The following IL1RAPL1 variants were observed in gnomAD, a reference collection of about 807,000 sequenced individuals.
IL1RAPL1 encodes the protein interleukin-1 receptor accessory protein-like 1.
In IL1RAPL1, 3 loss-of-function variants were observed where a neutral mutation model predicts 48.4. The ratio of observed to expected loss-of-function variants is 0.06; its 90% CI spans 0.03 to 0.16. IL1RAPL1 has a LOEUF of 0.16. Ranked by LOEUF, IL1RAPL1 falls within the 10% of genes least tolerant of loss-of-function variation. IL1RAPL1 has a pLI of 1.00. For missense variants in IL1RAPL1, 349 were observed against 530.6 expected (o/e 0.66, Z 3.36); for synonymous variants, 185 against 187.7 (o/e 0.99, Z 0.12).
At chrX:28,791,073 G>A (rs1329829107) in intron 2 of IL1RAPL1, among the ~76,000 whole-genome samples, 4 of 110,119 alleles carry the variant, frequency 3.6e-5, no homozygotes, top group Non-Finnish European at 7.6e-5. Context: ...TATTTTTCTG[G>A]TTATTACCAC....
At chrX:28,935,673 A>G (rs768274059) in intron 2 of IL1RAPL1, among the ~76,000 whole-genome samples, 11 of 111,593 alleles carry the variant, frequency 9.9e-5, no homozygotes. Context: ...ATCCAGGGTG[A>G]CTCCCACGTC....
chrX:29,745,781 C>T (rs943212887), intron 6 of IL1RAPL1, among the ~76,000 whole-genome samples: 1 of 110,695 alleles, frequency 9.0e-6, no homozygotes, highest in Non-Finnish European at 1.9e-5. Flanking sequence ...TTGGCCTTCA[C>T]TAGCATTACT....
chrX:28,712,775 C>A (rs2146935656), intron 1 of IL1RAPL1, among the ~76,000 whole-genome samples: 1 of 110,890 alleles, frequency 9.0e-6, no homozygotes, highest in South Asian at 3.8e-4. Context: ...TTACCAGAAT[C>A]CTATTCATAC....
At chrX:29,197,057 T>C (rs1376368541) in intron 2 of IL1RAPL1, among the ~76,000 whole-genome samples, 4 of 110,708 alleles carry the variant, frequency 3.6e-5, no homozygotes, top group South Asian at 3.8e-4. Context: ...ACTTTCCTTA[T>C]TCTGTGTCCC....
chrX:29,110,170 A>G (rs1311138567), intron 2 of IL1RAPL1, among the ~76,000 whole-genome samples: 1 of 112,143 alleles, frequency 8.9e-6, no homozygotes, highest in African/African-American at 3.2e-5. Flanking sequence ...TGTAATGATC[A>G]AGTCCTCCCA....
chrX:29,357,870 T>A (rs1387627702), intron 3 of IL1RAPL1, among the ~76,000 whole-genome samples: 1 of 111,972 alleles, frequency 8.9e-6, no homozygotes, highest in Non-Finnish European at 1.9e-5. Context: ...CATTTTGTGC[T>A]TATGGTTGTT....
At chrX:29,343,105 A>G (rs192175973) in intron 3 of IL1RAPL1, among the ~76,000 whole-genome samples, 3 of 112,282 alleles carry the variant, frequency 2.7e-5, no homozygotes. Context: ...AATCAAAACA[A>G]TATAATTGTT....
At chrX:28,666,815 A>G (rs978087105) in intron 1 of IL1RAPL1, among the ~76,000 whole-genome samples, 1 of 111,918 alleles carries the variant, frequency 8.9e-6, no homozygotes, top group South Asian at 3.7e-4. Context: ...TTGCTAATTG[A>G]TATTAGTAAA....
intron 3 of IL1RAPL1, among the ~76,000 whole-genome samples, chrX:29,326,617 T>C (rs764565525): frequency 2.7e-5 from 3 of 112,502 alleles, no homozygotes; most frequent in Non-Finnish European, 5.6e-5. Context: ...GAGATAATCA[T>C]TTAATTTATG....
chrX:29,199,829 A>G (rs1930519479), intron 2 of IL1RAPL1, among the ~76,000 whole-genome samples: 2 of 111,775 alleles, frequency 1.8e-5, no homozygotes, highest in Non-Finnish European at 3.8e-5. Context: ...GGCAAATATA[A>G]AGAATAATGG....
chrX:28,615,145 C>T (rs1305190435), intron 1 of IL1RAPL1, among the ~76,000 whole-genome samples: 1 of 104,521 alleles, frequency 9.6e-6, no homozygotes, highest in Non-Finnish European at 1.9e-5. Context: ...GCCTTGGCCT[C>T]CTAAAGTGCT....
chrX:29,895,785 T>C (rs907001697), intron 6 of IL1RAPL1, among the ~76,000 whole-genome samples: 1 of 111,885 alleles, frequency 8.9e-6, no homozygotes, highest in Non-Finnish European at 1.9e-5. Flanking sequence ...TGTGAGATGC[T>C]TGTGGGATAT....
chrX:29,863,294 A>G (rs1931628443), intron 6 of IL1RAPL1, among the ~76,000 whole-genome samples: 1 of 112,204 alleles, frequency 8.9e-6, no homozygotes, highest in African/African-American at 3.2e-5. Flanking sequence ...AATAGAGCAG[A>G]GTAACTTTCT....
intron 1 of IL1RAPL1, among the ~76,000 whole-genome samples, chrX:28,700,905 A>G (rs1388001154): frequency 1.8e-5 from 2 of 111,760 alleles, no homozygotes; most frequent in African/African-American, 6.5e-5. Context: ...ATGGCTACAT[A>G]GTTTTCCATG....
chrX:28,629,023 A>G (rs1934371812), intron 1 of IL1RAPL1, among the ~76,000 whole-genome samples: 2 of 111,563 alleles, frequency 1.8e-5, no homozygotes, highest in African/African-American at 3.3e-5. Flanking sequence ...ATAAATGTGG[A>G]TATTAAATAA....
intron 2 of IL1RAPL1, among the ~76,000 whole-genome samples, chrX:29,076,201 T>C (rs1438891888): frequency 1.8e-5 from 2 of 112,220 alleles, no homozygotes; most frequent in East Asian, 5.6e-4. Flanking sequence ...TTTCTAACTC[T>C]TTCTAACTTT....
intron 2 of IL1RAPL1, among the ~76,000 whole-genome samples, chrX:29,177,118 G>C (rs923132994): frequency 1.8e-5 from 2 of 111,339 alleles, no homozygotes; most frequent in Non-Finnish European, 3.8e-5. Context: ...ATAGTCAACT[G>C]AGCTGAATTC....
At chrX:29,130,230 C>G (rs746886144) in intron 2 of IL1RAPL1, among the ~76,000 whole-genome samples, 1 of 111,864 alleles carries the variant, frequency 8.9e-6, no homozygotes, top group African/African-American at 3.2e-5. Context: ...TTTTTGTATA[C>G]AAATGCTAAC....
In IL1RAPL1 at chrX:28,804,605, G is replaced by A. The variant is rs904073874; in HGVS notation, c.82+15180G>A. ...AAAATCATCAGCATAGCATCTTCCAGTCTCTGTAACCTTTACTTCTACTGT... is the reference window on the plus strand; with the variant it reads ...AAAATCATCAGCATAGCATCTTCCAATCTCTGTAACCTTTACTTCTACTGT... On this transcript the variant is annotated intron_variant, in intron 2 of 10. Transcript: ENST00000378993. 3.6e-5 allele frequency among the ~76,000 whole-genome samples: 4 copies of A among 111,014 alleles called. No individual in the cohort carries two copies. The Admixed American group carries it at 3.8e-4, about 11-fold the overall frequency.
Sources: allele counts gnomAD v4.1 joint callset (sites outside exome capture counted in the v4.1 genomes callset), GRCh38; gene constraint gnomAD v4.1.1; transcripts MANE v1.5; gene names NCBI Gene and HGNC (gene_info 2026-07-23, HGNC 2026-07-21).